Variants in DNAJA3 observed in about 807,000 individuals in gnomAD.
DNAJA3 encodes the protein dnaJ homolog subfamily A member 3, mitochondrial.
Under a neutral mutation model 54.9 loss-of-function variants are expected in DNAJA3, and 29 were observed. The ratio of observed to expected loss-of-function variants is 0.53; its 90% CI spans 0.39 to 0.72. The LOEUF (loss-of-function observed/expected upper bound fraction) is 0.72. DNAJA3 is among the 30% of genes least tolerant of loss of function. The pLI is 0.00. For missense variants in DNAJA3, 708 were observed against 639.4 expected (o/e 1.11, Z -1.16); for synonymous variants, 302 against 251.4 (o/e 1.20, Z -1.90).
intron 1 of DNAJA3, among the ~76,000 whole-genome samples, chr16:4,427,908 G>A (rs1435369913): frequency 6.6e-6 from 1 of 152,040 alleles, no homozygotes; most frequent in African/African-American, 2.4e-5. Context: ...GCTTCCCAAA[G>A]TGCTGGGGTT....
intron 3 of DNAJA3, chr16:4,441,012 G>A (rs755050473): frequency 3.6e-6 from 1 of 274,976 alleles, no homozygotes; most frequent in Non-Finnish European, 6.9e-6. Context: ...GTAAGGGTAG[G>A]AAGCATAAAT....
intron 10 of DNAJA3, among the ~76,000 whole-genome samples, chr16:4,453,424 CTTG>C (rs1301271399): frequency 6.6e-6 from 1 of 151,470 alleles, no homozygotes; most frequent in Non-Finnish European, 1.5e-5. Flanking sequence ...AGTATGGCTC[CTTG>C]TTGTTCTTTT....
intron 2 of DNAJA3, 25 bp from the exon 3 acceptor site, chr16:4,437,377 G>A: frequency 6.2e-7 from 1 of 1,601,162 alleles, no homozygotes; most frequent in South Asian, 1.1e-5. Context: ...TGTATCTGGA[G>A]TAATTTATCA....
At position 4,447,051 on chromosome 16, in the gene DNAJA3, C is replaced by T. The variant is rs745336716; in HGVS notation, c.1125+37C>T. On this transcript the variant is annotated intron_variant, in intron 8 of 11. Transcript: ENST00000262375. The stretch of plus-strand genomic sequence containing the variant: ...TGAGAACACCTTTGTCACCCCTGTA[C>T]TTTATTGCTCTTTTTCTGAAATGGA... 4 of 1,591,808 alleles carry T rather than the reference C, an allele frequency of 2.5e-6. No individual in the cohort carries two copies. The African/African-American group carries it at 5.4e-5, about 22-fold the overall frequency.
At chr16:4,436,017 A>G (rs2056768316) in intron 2 of DNAJA3, among the ~76,000 whole-genome samples, 1 of 152,240 alleles carries the variant, frequency 6.6e-6, no homozygotes. Context: ...TTACGACCCT[A>G]GTGAATAAGA....
chr16:4,455,277 C>G (rs2057022292), intron 11 of DNAJA3, among the ~76,000 whole-genome samples: 1 of 152,176 alleles, frequency 6.6e-6, no homozygotes, highest in Non-Finnish European at 1.5e-5. Context: ...AGGCCTAGAA[C>G]TCAGATCTCC....
At chr16:4,455,103 G>A (rs1256597058) in intron 11 of DNAJA3, among the ~76,000 whole-genome samples, 176 bp downstream of exon 11, 1 of 152,198 alleles carries the variant, frequency 6.6e-6, no homozygotes, top group African/African-American at 2.4e-5. Context: ...GGGAATAGAT[G>A]ACGTGGCAAT....
At chr16:4,439,939 G>A (rs1403819196) in intron 3 of DNAJA3, among the ~76,000 whole-genome samples, 1 of 152,020 alleles carries the variant, frequency 6.6e-6, no homozygotes, top group Non-Finnish European at 1.5e-5. Flanking sequence ...TAAGGATAGT[G>A]CCTATTTTTT....
At chr16:4,450,887 C>T (rs1027172602) in intron 10 of DNAJA3, among the ~76,000 whole-genome samples, 1 of 152,216 alleles carries the variant, frequency 6.6e-6, no homozygotes, top group African/African-American at 2.4e-5. Flanking sequence ...GATTTGTGCA[C>T]TTCCCACCTG....
chr16:4,440,277 G>A (rs1402785079), intron 3 of DNAJA3: 1 of 151,754 alleles, frequency 6.6e-6, no homozygotes, highest in Non-Finnish European at 1.5e-5. Context: ...AAAAAAGTAA[G>A]ACAAACACAT....
At chr16:4,445,256 G>T (rs547839278) in intron 7 of DNAJA3, among the ~76,000 whole-genome samples, 1 of 152,342 alleles carries the variant, frequency 6.6e-6, no homozygotes, top group South Asian at 2.1e-4. Context: ...TCAGTGAGCC[G>T]TGGTGGTCAG....
chr16:4,427,559 T>G (rs1265469425), intron 1 of DNAJA3, among the ~76,000 whole-genome samples: 1 of 152,222 alleles, frequency 6.6e-6, no homozygotes, highest in Non-Finnish European at 1.5e-5. Flanking sequence ...GAAAATTCAT[T>G]CATTCACAGG....
rs754143609 is a variant in DNAJA3 at position 4,441,503 on chromosome 16, C to G, written c.558C>G (p.Phe186Leu). Residue 186 changes from phenylalanine (F) to leucine (L), a missense_variant, in exon 4 of 12, where the codon TTC (phenylalanine) becomes TTG (leucine). Coordinates refer to ENST00000262375, the MANE Select transcript of DNAJA3 (RefSeq NM_005147.6). The stretch of plus-strand genomic sequence containing the variant: ...CCACTGTGGACCCCGAGGAGCTGTT[C>G]AGGAAGATCTTTGGCGAGTTCTCAT... ...GGPTVDPEEL[F>L]RKIFGEFSSS... 4.3e-6 allele frequency: 7 copies of G among 1,614,214 alleles called. No homozygotes were observed. Among genetic ancestry groups the G allele is most frequent in the Non-Finnish European group, 5.9e-6 (7 of 1,180,042 alleles).
chr16:4,438,308 C>A (rs1055051879), intron 3 of DNAJA3, among the ~76,000 whole-genome samples: 1 of 151,234 alleles, frequency 6.6e-6, no homozygotes, highest in Non-Finnish European at 1.5e-5. Context: ...CAGAGCAAGA[C>A]CCCGTCTCAA....
rs1477286221 is a variant in DNAJA3 at position 4,455,533 on chromosome 16, C to T, written c.*14-13C>T. ...TGTTGAGTATAAGGTAACAGCCTAT[C>T]TCTTTGGCTCAGGAAAAAGATCCAC... On this transcript the variant is annotated splice_polypyrimidine_tract_variant and intron_variant, in intron 11 of 11. Transcript: ENST00000262375. The T allele has an allele frequency of 6.4e-7, 1 of 1,551,776 alleles. No individual in the cohort carries two copies. The highest frequency in any genetic ancestry group is 2.0e-5 in the Admixed American group (1 of 50,982).
At position 4,435,694 on chromosome 16, in the gene DNAJA3, T is replaced by G. The variant is rs561652543; in HGVS notation, c.345+1177T>G. ...CCCTTTTTATGGTCAAATAATCTGT[T>G]GCATGGATTAATCACATTTTGTTTA... is the stretch of plus-strand genomic sequence containing the variant. On this transcript the variant is annotated intron_variant, in intron 2 of 11. Coordinates refer to ENST00000262375, the MANE Select transcript of DNAJA3 (RefSeq NM_005147.6). 2.6e-5 allele frequency among the ~76,000 whole-genome samples: 4 copies of G among 152,368 alleles called. No individual in the cohort carries two copies. In the South Asian group the frequency reaches 8.3e-4, roughly 32 times the overall value.
chr16:4,426,885 C>A (rs1486310738), intron 1 of DNAJA3: 3 of 152,084 alleles, frequency 2.0e-5, no homozygotes, highest in African/African-American at 7.2e-5. Flanking sequence ...ATACATTAAG[C>A]CTTGAAGTGC....
intron 10 of DNAJA3, among the ~76,000 whole-genome samples, chr16:4,452,602 C>T (rs554847374): frequency 3.9e-5 from 6 of 152,174 alleles, no homozygotes; most frequent in Non-Finnish European, 8.8e-5. Flanking sequence ...ACACTGTCAG[C>T]TCTTCCTTTT....
At chr16:4,442,831 T>C (rs2056853192) in intron 5 of DNAJA3, 186 bp from the exon 6 acceptor site, 3 of 632,970 alleles carry the variant, frequency 4.7e-6, no homozygotes, top group Non-Finnish European at 8.2e-6. Flanking sequence ...CAGAAGTTTG[T>C]GTGTTCTAGA....
Sources: allele counts gnomAD v4.1 joint callset (sites outside exome capture counted in the v4.1 genomes callset), GRCh38; gene constraint gnomAD v4.1.1; transcripts MANE v1.5; gene names NCBI Gene and HGNC (gene_info 2026-07-23, HGNC 2026-07-21).